Variants in NKIRAS1 observed in about 807,000 individuals in gnomAD.
NKIRAS1 encodes the protein NF-kappa-B inhibitor-interacting Ras-like protein 1.
Under a neutral mutation model 19.8 loss-of-function variants are expected in NKIRAS1, and 16 were observed. The ratio of observed to expected loss-of-function variants is 0.81; its 90% CI spans 0.55 to 1.23. NKIRAS1 has a LOEUF of 1.23. NKIRAS1 is among the 50% of genes most tolerant of loss of function. The pLI, the probability that NKIRAS1 is intolerant of heterozygous loss-of-function variation, is 0.00. For synonymous variants in NKIRAS1, 88 were observed against 79.0 expected (o/e 1.11, Z -0.61); for missense variants, 184 against 220.0 (o/e 0.84, Z 1.04).
Position 23,900,793 on chromosome 3 carries a change from A to T in NKIRAS1, c.336+15T>A, listed in dbSNP as rs753100413. The T allele has an allele frequency of 2.5e-6, 4 of 1,606,284 alleles. No individual in the cohort carries two copies. The South Asian group carries it at 3.3e-5, about 13-fold the overall frequency. On this transcript the variant is annotated intron_variant, in intron 4 of 4. Coordinates refer to ENST00000425478, the MANE Select transcript of NKIRAS1 (RefSeq NM_020345.4). ...ATTATAATTCACATTTGGCATTTTT[A>T]ACATATCCACTTGCCTCTTTTTTGT...
chr3:23,909,850 T>G (rs1382076479), intron 3 of NKIRAS1, among the ~76,000 whole-genome samples: 8 of 115,878 alleles, frequency 6.9e-5, no homozygotes, highest in South Asian at 2.9e-4. Context: ...GCAAAGTTGT[T>G]TTTGTTTTTT....
At chr3:23,945,312 G>C (rs1313118535) in intron 1 of NKIRAS1, 4 of 157,514 alleles carry the variant, frequency 2.5e-5, no homozygotes, top group African/African-American at 9.7e-5. Flanking sequence ...GCCGCGGTGC[G>C]CTGGCTGCAG....
intron 1 of NKIRAS1, among the ~76,000 whole-genome samples, chr3:23,930,011 A>C (rs1042671330): frequency 9.2e-5 from 14 of 152,170 alleles, no homozygotes; most frequent in Non-Finnish European, 1.8e-4. Context: ...TAATCTGGAC[A>C]AACACTCCAG....
rs369049976 is a variant in NKIRAS1, at chr3:23,946,230, G to C, written c.-140+93C>G. 5.1e-6 allele frequency: 5 copies of C among 985,328 alleles called. No individual in the cohort carries two copies. In the South Asian group the frequency reaches 1.4e-4, roughly 28 times the overall value. 61.0% of individuals were successfully genotyped at this position (985,328 alleles called of 1,614,324 possible). ...CGGGCGCTGACACCGCAGTGCACCG[G>C]ACGCCGCACGCTCTTTTCGCGAGGT... On this transcript the variant is annotated intron_variant, in intron 1 of 4. Transcript: ENST00000421515.
rs140209680 is a variant in NKIRAS1, at chr3:23,911,224, C to T, written c.-18+105G>A. On this transcript the variant is annotated intron_variant, in intron 2 of 4. Transcript: ENST00000425478. ...ATCCTACCACTTTGGGAGTCCAAGG[C>T]GGGTGGATCACCTGAGGTCAAGAGT... 3.5e-3 allele frequency: 777 copies of T among 222,820 alleles called. 3 individuals carry two copies. The highest frequency in any genetic ancestry group is 0.017 in the African/African-American group (716 of 43,216). 13.8% of individuals were successfully genotyped at this position (222,820 alleles called of 1,614,324 possible).
At chr3:23,943,125 A>G (rs1289256996) in intron 1 of NKIRAS1, among the ~76,000 whole-genome samples, 3 of 152,184 alleles carry the variant, frequency 2.0e-5, no homozygotes, top group African/African-American at 7.2e-5. Context: ...CCATTATAGT[A>G]TCATACAGAA....
At chr3:23,919,714 T>C, upstream of NKIRAS1, 1 of 1,369,578 alleles carries the variant, frequency 7.3e-7, no homozygotes, top group Non-Finnish European at 9.4e-7. Context: ...TGCTTTATCT[T>C]ATTAGGGAGT....
chr3:23,904,776 G>A (rs1251825497), intron 3 of NKIRAS1, among the ~76,000 whole-genome samples: 1 of 152,106 alleles, frequency 6.6e-6, no homozygotes, highest in Non-Finnish European at 1.5e-5. Context: ...CACCTTCTAT[G>A]AATCAGCAAT....
chr3:23,909,641 T>TA lies in NKIRAS1; in HGVS notation c.94+1169dup, dbSNP rs539783710. Reference sequence around the variant, plus strand: ...TCTAACCTGTGATATCTATCTTCCTTACTAAGCCATGACCTCCAGAGATGC... The same window carrying TA: ...TCTAACCTGTGATATCTATCTTCCTTAACTAAGCCATGACCTCCAGAGATGC... On this transcript the variant is annotated intron_variant, in intron 3 of 4. Transcript: ENST00000425478. Among the ~76,000 whole-genome samples, 287 of 152,308 alleles carry TA rather than the reference T, an allele frequency of 1.9e-3. 1 individual carries two copies. The highest frequency in any genetic ancestry group is 6.5e-3 in the African/African-American group (271 of 41,572).
chr3:23,944,356 T>C (rs1033349841), intron 1 of NKIRAS1, among the ~76,000 whole-genome samples: 1 of 151,432 alleles, frequency 6.6e-6, no homozygotes, highest in African/African-American at 2.4e-5. Context: ...CTGGAAAGAG[T>C]TTTACAAGCA....
rs936511126 is a variant in NKIRAS1, at chr3:23,927,255, C to G, written c.-139-15805G>C. ...TGCTGCAAGGCTGAGTGCAGTGGCT[C>G]ACGTCTGTAATCCCAGCACTTTGGG... On this transcript the variant is annotated intron_variant, in intron 1 of 4. Transcript: ENST00000421515. The surrounding 1 kb of genome is among the most constrained non-coding windows in gnomAD (Gnocchi z 4.0). Among the ~76,000 whole-genome samples the G allele has an allele frequency of 6.6e-6, 1 of 152,156 alleles. No homozygotes were observed. The highest frequency in any genetic ancestry group is 2.4e-5 in the African/African-American group (1 of 41,428).
At chr3:23,941,321 C>T (rs1392229955) in intron 1 of NKIRAS1, among the ~76,000 whole-genome samples, 3 of 152,188 alleles carry the variant, frequency 2.0e-5, no homozygotes, top group Admixed American at 2.0e-4. Flanking sequence ...GGACTCTTAA[C>T]ATTTAGGCTC....
chr3:23,905,733 C>A (rs573627441), intron 3 of NKIRAS1, among the ~76,000 whole-genome samples: 2 of 149,676 alleles, frequency 1.3e-5, no homozygotes, highest in East Asian at 4.0e-4. Context: ...GCCATCATCA[C>A]TGGATGTTCT....
rs1470840480 is a variant in NKIRAS1, at chr3:23,936,146, G to A, written c.-140+10177C>T. Among the ~76,000 whole-genome samples the A allele has an allele frequency of 2.0e-5, 3 of 148,646 alleles. No individual in the cohort carries two copies. In the Admixed American group the frequency reaches 2.0e-4, roughly 10 times the overall value. On this transcript the variant is annotated intron_variant, in intron 1 of 4. Transcript: ENST00000421515. ...CTCATTGGTGATAAGCATAATAGGA[G>A]TGTTTATTCTGAGAATAGCAGGTTT...
At chr3:23,937,046 C>T (rs1197537224) in intron 1 of NKIRAS1, among the ~76,000 whole-genome samples, 1 of 152,072 alleles carries the variant, frequency 6.6e-6, no homozygotes, top group South Asian at 2.1e-4. Flanking sequence ...GAAAAGGGAC[C>T]CACCTGGGTC....
intron 3 of NKIRAS1, among the ~76,000 whole-genome samples, chr3:23,903,974 A>G (rs1379287053): frequency 6.6e-6 from 1 of 152,048 alleles, no homozygotes; most frequent in Non-Finnish European, 1.5e-5. Context: ...AGACCAGCCT[A>G]GCCAACATGG....
upstream of NKIRAS1, chr3:23,919,024 C>G (rs1374684900): frequency 3.3e-6 from 2 of 611,866 alleles, no homozygotes; most frequent in African/African-American, 1.9e-5. Flanking sequence ...TTTAGCAAGT[C>G]TACATTATCT....
At chr3:23,944,406 TATC>T (rs1352304438) in intron 1 of NKIRAS1, among the ~76,000 whole-genome samples, 2 of 152,226 alleles carry the variant, frequency 1.3e-5, no homozygotes, top group Admixed American at 6.5e-5. Flanking sequence ...CATCTTACCA[TATC>T]ATCTATTCAT....
intron 1 of NKIRAS1, among the ~76,000 whole-genome samples, chr3:23,933,251 A>T (rs1028525427): frequency 6.6e-6 from 1 of 152,212 alleles, no homozygotes; most frequent in Non-Finnish European, 1.5e-5. Flanking sequence ...TTAATCTCAC[A>T]CACAGAAGTT....
Sources: gnomAD v4.1 joint callset for allele counts (sites outside exome capture counted in the v4.1 genomes callset) on GRCh38, gnomAD v4.1.1 for gene constraint, Gnocchi (gnomAD v3.1) non-coding constraint, MANE v1.5 for transcripts, NCBI Gene and HGNC (gene_info 2026-07-23, HGNC 2026-07-21) for gene names.